The following CDH13 variants were observed in gnomAD, a reference collection of about 807,000 sequenced individuals.
CDH13 encodes cadherin-13.
Under a neutral mutation model 63.8 loss-of-function variants are expected in CDH13, and 24 were observed. That is an observed-to-expected ratio of 0.38 (90% confidence interval 0.27 to 0.53). The LOEUF is 0.53. Among genes scored for constraint, CDH13 ranks in the 20% least tolerant of loss-of-function variants. The pLI, the probability that CDH13 is intolerant of heterozygous loss-of-function variation, is 0.85. For synonymous variants in CDH13, 503 were observed against 355.3 expected (o/e 1.42, Z -4.67); for missense variants, 1,049 against 903.1 (o/e 1.16, Z -2.07).
chr16:83,133,841 C>G (rs2036161462), intron 4 of CDH13, among the ~76,000 whole-genome samples: 1 of 152,184 alleles, frequency 6.6e-6, no homozygotes, highest in Non-Finnish European at 1.5e-5. Flanking sequence ...GTTTATACAT[C>G]TTTGATGGCA....
chr16:82,710,552 A>AAAAAATATATATATATAT (rs60196638), intron 1 of CDH13, among the ~76,000 whole-genome samples: 2 of 63,768 alleles, frequency 3.1e-5, no homozygotes, highest in Non-Finnish European at 6.0e-5. Flanking sequence ...AAAAAAAAAA[A>AAAAAATATATATATATAT]ATATATATAT....
intron 6 of CDH13, among the ~76,000 whole-genome samples, chr16:83,399,074 A>AC (rs2091929454): frequency 6.6e-6 from 1 of 152,240 alleles, no homozygotes. Flanking sequence ...GGATACAAAG[A>AC]CCATCAGACC....
At chr16:82,758,528 T>C (rs947770274) in intron 1 of CDH13, among the ~76,000 whole-genome samples, 1 of 152,126 alleles carries the variant, frequency 6.6e-6, no homozygotes, top group Non-Finnish European at 1.5e-5. Context: ...GAGAAGCTGA[T>C]TGAGCGGAGC....
chr16:83,682,147 C>A (rs6563967), intron 10 of CDH13, among the ~76,000 whole-genome samples: 6 of 152,120 alleles, frequency 3.9e-5, no homozygotes, highest in African/African-American at 1.4e-4. Context: ...ATAGAGTAAT[C>A]TACTGCAACA....
intron 12 of CDH13, 134 bp from the exon 13 acceptor site, chr16:83,783,120 T>A (rs1438954599): frequency 3.0e-6 from 2 of 662,306 alleles, no homozygotes; most frequent in Non-Finnish European, 5.3e-6. Flanking sequence ...TGTTAATGAA[T>A]TTAAATGTAA....
intron 3 of CDH13, among the ~76,000 whole-genome samples, chr16:83,115,581 AT>A (rs1198818644): frequency 6.6e-6 from 1 of 152,238 alleles, no homozygotes; most frequent in African/African-American, 2.4e-5. Flanking sequence ...TTGGAAGCAA[AT>A]CCAGTCTTCT....
At chr16:83,289,272 C>T (rs1014328369) in intron 5 of CDH13, among the ~76,000 whole-genome samples, 29 of 152,212 alleles carry the variant, frequency 1.9e-4, no homozygotes, top group African/African-American at 6.5e-4. Context: ...GAAATTGTAA[C>T]ACCAGCTTCA....
chr16:83,080,871 G>GGTTT (rs2033183201), intron 3 of CDH13, among the ~76,000 whole-genome samples: 1 of 46,928 alleles, frequency 2.1e-5, no homozygotes, highest in Non-Finnish European at 3.5e-5. Flanking sequence ...TTGTTTTTGT[G>GGTTT]TTTTTTTTTT....
intron 6 of CDH13, among the ~76,000 whole-genome samples, chr16:83,476,750 T>A (rs1313456410): frequency 5.9e-5 from 9 of 152,216 alleles, no homozygotes; most frequent in Non-Finnish European, 2.9e-5. Flanking sequence ...TAAGAGTTTA[T>A]GGAAAAATAT....
At chr16:83,564,755 A>G (rs144228427) in intron 7 of CDH13, among the ~76,000 whole-genome samples, 9 of 152,266 alleles carry the variant, frequency 5.9e-5, no homozygotes, top group Middle Eastern at 3.4e-3. Flanking sequence ...ATAATGACTG[A>G]TACATTCAGG....
chr16:83,398,660 T>TAA (rs2091923416), intron 6 of CDH13, among the ~76,000 whole-genome samples: 1 of 152,172 alleles, frequency 6.6e-6, no homozygotes, highest in African/African-American at 2.4e-5. Flanking sequence ...AGATTATGCT[T>TAA]TTTTGTACTT....
chr16:83,528,139 C>G (rs949686274), intron 7 of CDH13, among the ~76,000 whole-genome samples: 4 of 152,200 alleles, frequency 2.6e-5, no homozygotes, highest in Non-Finnish European at 5.9e-5. Context: ...TAATAATCCT[C>G]TTAATAGCAG....
At chr16:83,052,553 G>A (rs372628879) in intron 3 of CDH13, among the ~76,000 whole-genome samples, 110 of 152,260 alleles carry the variant, frequency 7.2e-4, no homozygotes, top group African/African-American at 2.4e-3. Context: ...GCCAAGGCGG[G>A]CAGATCACCT....
At chr16:83,337,985 T>C (rs540631234) in intron 5 of CDH13, among the ~76,000 whole-genome samples, 13 of 151,676 alleles carry the variant, frequency 8.6e-5, no homozygotes, top group African/African-American at 3.1e-4. Context: ...GTGAGCACAG[T>C]GAGGGGAATG....
chr16:83,620,389 C>CAAAAAAA (rs60446363), intron 8 of CDH13, among the ~76,000 whole-genome samples: 1 of 97,346 alleles, frequency 1.0e-5, no homozygotes. Flanking sequence ...GACTCCGTCT[C>CAAAAAAA]AAAAAAAAAA....
intron 1 of CDH13, among the ~76,000 whole-genome samples, chr16:82,813,478 G>T (rs2037551232): frequency 6.6e-6 from 1 of 152,130 alleles, no homozygotes; most frequent in Non-Finnish European, 1.5e-5. Flanking sequence ...GCTCAGAAGT[G>T]GTATTAGCTG....
intron 5 of CDH13, among the ~76,000 whole-genome samples, chr16:83,302,123 G>A (rs1244742239): frequency 6.6e-6 from 1 of 152,168 alleles, no homozygotes; most frequent in East Asian, 1.9e-4. Flanking sequence ...CACAGAGAAT[G>A]CTTAACAGAG....
chr16:83,060,953 C>A (rs1460598120), intron 3 of CDH13, among the ~76,000 whole-genome samples: 2 of 152,148 alleles, frequency 1.3e-5, no homozygotes, highest in Non-Finnish European at 2.9e-5. Context: ...CCAGGCTCTT[C>A]CCCTCAATGG....
chr16:83,628,595 C>T (rs992708814), intron 8 of CDH13, among the ~76,000 whole-genome samples: 2 of 152,212 alleles, frequency 1.3e-5, no homozygotes, highest in Non-Finnish European at 2.9e-5. Flanking sequence ...GATGCTAAGA[C>T]TAACCACAAG....
Sources: gnomAD v4.1 joint callset for allele counts (sites outside exome capture counted in the v4.1 genomes callset) on GRCh38, gnomAD v4.1.1 for gene constraint, MANE v1.5 for transcripts, NCBI Gene and HGNC (gene_info 2026-07-23, HGNC 2026-07-21) for gene names.